PSD3: variants seen among roughly 807,000 people sequenced by gnomAD.
PSD3 encodes the protein PH and SEC7 domain-containing protein 3.
A neutral mutation model predicts 105.5 loss-of-function variants in PSD3; 49 were observed. That is an observed-to-expected ratio of 0.46 (90% confidence interval 0.37 to 0.59). The LOEUF (loss-of-function observed/expected upper bound fraction) is 0.59. PSD3 is among the 20% of genes least tolerant of loss of function. The pLI is 0.00. For synonymous variants in PSD3, 557 were observed against 457.8 expected (o/e 1.22, Z -2.77); for missense variants, 1,561 against 1,263.8 (o/e 1.24, Z -3.57).
At chr8:18,540,305 A>T (rs79462833) in intron 15 of PSD3, among the ~76,000 whole-genome samples, 2,371 of 152,312 alleles carry the variant, frequency 0.016, 50 homozygotes, top group East Asian at 0.073. Flanking sequence ...TTTTATATGC[A>T]CTGGGAAACA....
At position 18,804,568 on chromosome 8, in the gene PSD3, G is replaced by T; in HGVS notation, c.1864C>A (p.Leu622Met). 6.2e-7 allele frequency: 1 copy of T among 1,613,660 alleles called. No homozygotes were observed. ...EFSKLVAEEY[L>M]KFFDFTGMTL... is the part of the protein sequence containing the mutation. ...ATTCCTGTAAAATCAAAAAACTTCA[G>T]ATATTCTTCTGCAACTAGTTTGCTA... The change falls in exon 6 of 16, where the codon CTG (leucine) becomes ATG (methionine). Residue 622 changes from leucine (L) to methionine (M), a missense_variant. By Grantham distance (15) the Leu-to-Met change is conservative. Coordinates refer to ENST00000327040, the MANE Select transcript of PSD3 (RefSeq NM_015310.4).
chr8:18,996,224 G>A (rs565994226), intron 1 of PSD3, among the ~76,000 whole-genome samples: 1 of 151,992 alleles, frequency 6.6e-6, no homozygotes, highest in African/African-American at 2.4e-5. Flanking sequence ...ATAAATTCTT[G>A]GAAAATGTGA....
intron 1 of PSD3, among the ~76,000 whole-genome samples, chr8:19,075,454 G>A (rs1563547224): frequency 6.6e-6 from 1 of 152,188 alleles, no homozygotes; most frequent in South Asian, 2.1e-4. Flanking sequence ...CTGCATGTAT[G>A]TATGATTACA....
chr8:18,766,956 C>T (rs1807052885), intron 8 of PSD3, among the ~76,000 whole-genome samples: 1 of 152,208 alleles, frequency 6.6e-6, no homozygotes, highest in African/African-American at 2.4e-5. Context: ...GCTCTACCTT[C>T]CAGGGAGATA....
chr8:18,777,804 C>A (rs900764667), intron 8 of PSD3, among the ~76,000 whole-genome samples: 5 of 152,192 alleles, frequency 3.3e-5, no homozygotes, highest in Non-Finnish European at 5.9e-5. Context: ...AATCCCACCA[C>A]CACCACTATC....
chr8:18,535,420 G>A lies in PSD3; in HGVS notation c.*323C>T, dbSNP rs573620789. 7.8e-4 allele frequency: 223 copies of A among 285,408 alleles called. No homozygotes were observed. The highest frequency in any genetic ancestry group is 4.6e-3 in the African/African-American group (215 of 46,688). The allele number at this position is 285,408 out of a possible 1,614,324, so 17.7% of individuals were successfully genotyped here. A position where few individuals can be genotyped will look rare whatever the true frequency, so the allele number is the denominator to read the frequency against. ...TAAAAAAAAGTTTAACAGTTGATAT[G>A]AGAATACATAAAACAACTGAGCAGA... is the stretch of plus-strand genomic sequence containing the variant. On this transcript the variant is annotated 3_prime_UTR_variant, in exon 16 of 16. Transcript: ENST00000327040.
At position 18,531,099 on chromosome 8, in the gene PSD3, T is replaced by G. The variant is rs1352972558; in HGVS notation, c.*4644A>C. The G allele has an allele frequency of 1.3e-5, 2 of 152,572 alleles. No homozygotes were observed. The highest frequency in any genetic ancestry group is 4.8e-5 in the African/African-American group (2 of 41,456). 9.5% of individuals were successfully genotyped at this position (152,572 alleles called of 1,614,324 possible). ...AACAATGGCAGGTGACAGCATTTTC[T>G]TTGATGACTGACATACTGCCTGTAA... On this transcript the variant is annotated 3_prime_UTR_variant, in exon 16 of 16. Transcript: ENST00000327040.
chr8:18,787,216 T>C (rs953810459), intron 8 of PSD3, among the ~76,000 whole-genome samples: 1 of 152,240 alleles, frequency 6.6e-6, no homozygotes, highest in Non-Finnish European at 1.5e-5. Flanking sequence ...ATAAAAGTAG[T>C]TCTGCTCTGA....
chr8:18,923,450 A>C (rs187537988), intron 2 of PSD3, among the ~76,000 whole-genome samples: 1 of 152,240 alleles, frequency 6.6e-6, no homozygotes, highest in African/African-American at 2.4e-5. Context: ...AAATATAGTC[A>C]TGTGCCACAT....
rs761278950 is a variant in PSD3 at position 18,867,726 on chromosome 8, C to T, written c.1582G>A (p.Ala528Thr). Residue 528 changes from alanine to threonine, a missense_variant, in exon 4 of 16, where the codon GCC becomes ACC. Coordinates refer to ENST00000327040, the MANE Select transcript of PSD3 (RefSeq NM_015310.4). ...SSGVTNGLND[A>T]SDSIYTKGTP... ...CCTTTCGTGTAGATGGAGTCGCTGGCATCATTCAGCCCATTGGTGACGCCA... is the reference window on the plus strand; with the variant it reads ...CCTTTCGTGTAGATGGAGTCGCTGGTATCATTCAGCCCATTGGTGACGCCA... The T allele has an allele frequency of 1.2e-5, 19 of 1,613,814 alleles. No individual in the cohort carries two copies. The South Asian group carries it at 1.9e-4, about 16-fold the overall frequency.
chr8:18,710,895 C>CTGG (rs963273840), intron 9 of PSD3, among the ~76,000 whole-genome samples: 3 of 152,196 alleles, frequency 2.0e-5, no homozygotes, highest in African/African-American at 7.2e-5. Context: ...TTGGACCAGG[C>CTGG]TGGTCTTGAA....
At position 18,872,050 on chromosome 8, in the gene PSD3, G is replaced by C; in HGVS notation, c.814C>G (p.Gln272Glu). ...TGCTCTCTCCCAAGAGCAGACCTCT[G>C]CTCTTTCAAGAAACCAACACTGCCT... ...SAGSVGFLKE[Q>E]RSALGREHPG... Residue 272 changes from glutamine (Q) to glutamate (E), a missense_variant, in exon 3 of 16, where the codon CAG becomes GAG. By Grantham distance (29) the Gln-to-Glu change is conservative. Coordinates refer to ENST00000327040, the MANE Select transcript of PSD3 (RefSeq NM_015310.4). 6.2e-7 allele frequency: 1 copy of C among 1,614,140 alleles called. No homozygotes were observed. The highest frequency in any genetic ancestry group is 8.5e-7 in the Non-Finnish European group (1 of 1,180,020).
intron 2 of PSD3, among the ~76,000 whole-genome samples, chr8:18,928,125 C>T (rs1023742866): frequency 6.6e-6 from 1 of 152,200 alleles, no homozygotes; most frequent in Non-Finnish European, 1.5e-5. Flanking sequence ...TGTCTCCACC[C>T]AAATCTCACC....
chr8:18,550,091 C>T (rs1800673075), intron 15 of PSD3, among the ~76,000 whole-genome samples: 1 of 152,152 alleles, frequency 6.6e-6, no homozygotes, highest in African/African-American at 2.4e-5. Flanking sequence ...AATACCTTTA[C>T]CCAATAGAGT....
At chr8:18,943,844 T>G (rs1238484274) in intron 1 of PSD3, among the ~76,000 whole-genome samples, 1 of 152,082 alleles carries the variant, frequency 6.6e-6, no homozygotes, top group African/African-American at 2.4e-5. Context: ...TGCTTAGATT[T>G]CTTCACTCAC....
intron 4 of PSD3, among the ~76,000 whole-genome samples, chr8:18,833,562 C>G (rs559605022): frequency 6.6e-6 from 1 of 152,270 alleles, no homozygotes; most frequent in African/African-American, 2.4e-5. Context: ...CCAAGACAAG[C>G]CAGTGGAGAA....
chr8:18,764,379 C>A (rs192805262), intron 9 of PSD3, among the ~76,000 whole-genome samples: 1 of 152,284 alleles, frequency 6.6e-6, no homozygotes, highest in African/African-American at 2.4e-5. Flanking sequence ...AATGGCAGCA[C>A]TTGCTGTACA....
chr8:18,563,267 G>C lies in PSD3; in HGVS notation c.2785-6915C>G, dbSNP rs1169772238. On this transcript the variant is annotated intron_variant, in intron 14 of 15. Transcript: ENST00000327040. The stretch of plus-strand genomic sequence containing the variant: ...GAGGGCCAAGGCAATTGTCTCACCT[G>C]TTTTTATAATGCCCACAAAACCTAA... 5.9e-5 allele frequency among the ~76,000 whole-genome samples: 9 copies of C among 152,128 alleles called. No homozygotes were observed. The East Asian group carries it at 1.7e-3, about 29-fold the overall frequency.
At chr8:18,729,595 T>C (rs1803579220) in intron 9 of PSD3, among the ~76,000 whole-genome samples, 1 of 152,258 alleles carries the variant, frequency 6.6e-6, no homozygotes, top group Admixed American at 6.5e-5. Flanking sequence ...CAGGTTCCTA[T>C]GTAAGGTATA....
Sources: allele counts gnomAD v4.1 joint callset (sites outside exome capture counted in the v4.1 genomes callset), GRCh38; gene constraint gnomAD v4.1.1; transcripts MANE v1.5; gene names NCBI Gene and HGNC (gene_info 2026-07-23, HGNC 2026-07-21).